The following STK33 variants were observed in gnomAD, a reference collection of about 807,000 sequenced individuals.
The protein encoded by STK33 is serine/threonine kinase 33.
A neutral mutation model predicts 58.0 loss-of-function variants in STK33; 52 were observed. The ratio of observed to expected loss-of-function variants is 0.90; its 90% CI spans 0.72 to 1.13. The LOEUF (loss-of-function observed/expected upper bound fraction) is 1.13. Among genes scored for constraint, STK33 ranks in the 50% most tolerant of loss-of-function variants. STK33 has a pLI of 0.00. For synonymous variants in STK33, 215 were observed against 200.1 expected (o/e 1.07, Z -0.63); for missense variants, 630 against 604.2 (o/e 1.04, Z -0.45).
intron 6 of STK33, among the ~76,000 whole-genome samples, chr11:8,468,260 A>G (rs978674691): frequency 6.6e-6 from 1 of 152,176 alleles, no homozygotes. Flanking sequence ...TCATGAGAAC[A>G]TGAGAAAAAC....
chr11:8,370,542 G>A, the STK33 span, among the ~76,000 whole-genome samples: 1 of 152,154 alleles, frequency 6.6e-6, no homozygotes, highest in Non-Finnish European at 1.5e-5. Context: ...TCTCCACTTA[G>A]GGCTGTAAGG....
rs577499511 is a variant in STK33, at chr11:8,408,320, T to C, written c.1344+5175A>G. Among the ~76,000 whole-genome samples, 175 of 152,324 alleles carry C rather than the reference T, an allele frequency of 1.1e-3. 1 individual carries two copies. The highest frequency in any genetic ancestry group is 2.1e-3 in the Non-Finnish European group (140 of 68,018). ...TATGCATAGCATGGCCAGACAGCTATAGGCCCTAAGGGGAGCTGAGCAAAA... is the reference window on the plus strand; with the variant it reads ...TATGCATAGCATGGCCAGACAGCTACAGGCCCTAAGGGGAGCTGAGCAAAA... On this transcript the variant is annotated intron_variant, in intron 15 of 15. Coordinates refer to ENST00000687296, the MANE Select transcript of STK33 (RefSeq NM_001352389.2).
chr11:8,385,381 G>C, the STK33 span, among the ~76,000 whole-genome samples: 1 of 152,206 alleles, frequency 6.6e-6, no homozygotes, highest in East Asian at 1.9e-4. Flanking sequence ...CCTGACCCCT[G>C]TCTCTCCCCT....
chr11:8,340,071 C>T, the STK33 span, among the ~76,000 whole-genome samples: 1 of 152,230 alleles, frequency 6.6e-6, no homozygotes, highest in South Asian at 2.1e-4. Context: ...AATAGGAGTG[C>T]GTTCATAAAC....
At chr11:8,482,126 G>T (rs1232425871) in intron 1 of STK33, among the ~76,000 whole-genome samples, 1 of 152,146 alleles carries the variant, frequency 6.6e-6, no homozygotes, top group African/African-American at 2.4e-5. Context: ...TTTGATCCCA[G>T]TGATGAGCCA....
Position 8,490,798 on chromosome 11 carries a change from C to T in STK33, c.-465-10184G>A, listed in dbSNP as rs191518355. Among the ~76,000 whole-genome samples, 27 of 152,286 alleles carry T rather than the reference C, an allele frequency of 1.8e-4. No individual in the cohort carries two copies. In the South Asian group the frequency reaches 3.7e-3, roughly 21 times the overall value. ...TCTGCTGGTGATCCCCAGGGAAACA[C>T]GGTCTGGAGTAGACCTCCAGCAAAC... On this transcript the variant is annotated intron_variant, in intron 1 of 15. Transcript: ENST00000687296.
chr11:8,349,787 C>G, the STK33 span, among the ~76,000 whole-genome samples: 2 of 152,228 alleles, frequency 1.3e-5, no homozygotes, highest in Non-Finnish European at 2.9e-5. Context: ...CTGAAACTGT[C>G]TGGAGTCTTC....
intron 1 of STK33, among the ~76,000 whole-genome samples, chr11:8,504,152 A>C (rs764333035): frequency 6.6e-6 from 1 of 152,236 alleles, no homozygotes; most frequent in Non-Finnish European, 1.5e-5. Flanking sequence ...TAAGTGCAAC[A>C]GACTATTTTA....
chr11:8,448,180 T>G (rs922072498), intron 11 of STK33, among the ~76,000 whole-genome samples: 3 of 152,126 alleles, frequency 2.0e-5, no homozygotes, highest in Non-Finnish European at 4.4e-5. Context: ...GTAGGAAGAA[T>G]CAATATCGTG....
At chr11:8,389,077 G>A (rs1408966680), downstream of STK33, among the ~76,000 whole-genome samples, 4 of 147,430 alleles carry the variant, frequency 2.7e-5, no homozygotes, top group African/African-American at 9.7e-5. Context: ...AAGACAGGTG[G>A]TAAACTTAAA....
At chr11:8,455,800 G>GCTGGGTA (rs1946784244) in intron 9 of STK33, among the ~76,000 whole-genome samples, 1 of 102,174 alleles carries the variant, frequency 9.8e-6, no homozygotes, top group African/African-American at 3.8e-5. Flanking sequence ...AACAGAGAGA[G>GCTGGGTA]ACTCTGTCTC....
At chr11:8,346,557 T>G in the STK33 span, among the ~76,000 whole-genome samples, 1 of 152,174 alleles carries the variant, frequency 6.6e-6, no homozygotes, top group South Asian at 2.1e-4. Flanking sequence ...AAGAGAAAGG[T>G]GGGGCAGGAT....
At chr11:8,491,483 G>C (rs1385051008) in intron 1 of STK33, among the ~76,000 whole-genome samples, 1 of 152,216 alleles carries the variant, frequency 6.6e-6, no homozygotes, top group Non-Finnish European at 1.5e-5. Flanking sequence ...GAAACTGAAA[G>C]TGACAGGGAG....
intron 1 of STK33, among the ~76,000 whole-genome samples, chr11:8,530,814 C>G (rs1211356620): frequency 6.6e-6 from 1 of 152,188 alleles, no homozygotes; most frequent in African/African-American, 2.4e-5. Flanking sequence ...CTCAGCCTCT[C>G]TGAGTTGCTG....
At chr11:8,449,809 C>A (rs1019512945) in intron 11 of STK33, among the ~76,000 whole-genome samples, 1 of 152,128 alleles carries the variant, frequency 6.6e-6, no homozygotes, top group Non-Finnish European at 1.5e-5. Context: ...AAAAGCTCAT[C>A]ATCACTGGTC....
At chr11:8,505,075 G>A (rs917937564) in intron 1 of STK33, among the ~76,000 whole-genome samples, 1 of 152,140 alleles carries the variant, frequency 6.6e-6, no homozygotes, top group Admixed American at 6.5e-5. Flanking sequence ...ATAAATCAGA[G>A]CTTATTTTTC....
the STK33 span, among the ~76,000 whole-genome samples, chr11:8,363,561 G>C: frequency 1.3e-5 from 2 of 151,956 alleles, no homozygotes; most frequent in African/African-American, 2.4e-5. Context: ...TTGTACTTGT[G>C]TTTTGCATCT....
At chr11:8,517,370 A>G (rs1952897816) in intron 1 of STK33, among the ~76,000 whole-genome samples, 1 of 152,216 alleles carries the variant, frequency 6.6e-6, no homozygotes, top group African/African-American at 2.4e-5. Flanking sequence ...ATAAAAACAC[A>G]AAGATGGGGA....
Position 8,464,824 on chromosome 11 carries a change from TGG to T in STK33, c.340-4_340-3del. The T allele has an allele frequency of 3.9e-6, 6 of 1,537,384 alleles. No individual in the cohort carries two copies. In the Admixed American group the frequency reaches 7.3e-5, roughly 19 times the overall value. The stretch of plus-strand genomic sequence containing the variant: ...TATTCTTCCAAAGGTATAGATTTCC[TGG>T]AGAAAAAAAAAAAAAGAGTTGTCTC... On this transcript the variant is annotated splice_region_variant and splice_polypyrimidine_tract_variant and intron_variant, in intron 6 of 15. Transcript: ENST00000687296.
Sources: allele counts gnomAD v4.1 joint callset (sites outside exome capture counted in the v4.1 genomes callset), GRCh38; gene constraint gnomAD v4.1.1; transcripts MANE v1.5; gene names NCBI Gene and HGNC (gene_info 2026-07-23, HGNC 2026-07-21).